The following ACAD10 variants were observed in gnomAD, a reference collection of about 807,000 sequenced individuals.
ACAD10 encodes the protein ACAD-10.
In ACAD10, 112 loss-of-function variants were observed where a neutral mutation model predicts 116.8. The observed-to-expected ratio is 0.96, with a 90% confidence interval of 0.82 to 1.12. The LOEUF is 1.12. ACAD10 is among the 50% of genes most tolerant of loss of function. The probability of loss-of-function intolerance (pLI) is 0.00; values close to 1 mark genes in which losing one functional copy is unlikely to be tolerated. For missense variants in ACAD10, 1,259 were observed against 1,350.2 expected, an observed-to-expected ratio of 0.93 and a Z score of 1.06; for synonymous variants, 486 against 510.6, an observed-to-expected ratio of 0.95 and a Z score of 0.65.
At chr12:111,694,992 C>T (rs1208766206) in intron 2 of ACAD10, among the ~76,000 whole-genome samples, 1 of 152,186 alleles carries the variant, frequency 6.6e-6, no homozygotes, top group Non-Finnish European at 1.5e-5. Context: ...TGCACCACTG[C>T]ACTCCAGCCT....
In ACAD10 at chr12:111,721,725, CTG is replaced by C. The variant is rs1338021025; in HGVS notation, c.1050_1051del (p.Cys350Ter). 1.3e-6 allele frequency: 2 copies of C among 1,597,754 alleles called. No homozygotes were observed. Among genetic ancestry groups the C allele is most frequent in the South Asian group, 1.1e-5 (1 of 89,604 alleles). ...TACCTGTCCCTAACGTTCTTGATCTCTGTGAAGATTCAAGGTAAAGTTCAGAT... is the reference window on the plus strand; with the variant it reads ...TACCTGTCCCTAACGTTCTTGATCTCTGAAGATTCAAGGTAAAGTTCAGAT... The part of the protein sequence containing the change: ...GVPVPNVLDL[C>X]EDSSVIGTPF... On this transcript the variant is annotated frameshift_variant, in exon 8 of 21. Transcript: ENST00000313698. LOFTEE classifies it high-confidence loss of function.
intron 8 of ACAD10, among the ~76,000 whole-genome samples, chr12:111,723,251 T>G (rs1889085111): frequency 9.0e-6 from 1 of 111,120 alleles, no homozygotes. Flanking sequence ...GGCTCCTCAC[T>G]TCCCAGTAGG....
chr12:111,724,133 A>G (rs1441674693), intron 8 of ACAD10, among the ~76,000 whole-genome samples: 2 of 142,418 alleles, frequency 1.4e-5, no homozygotes, highest in Admixed American at 7.0e-5. Context: ...TACGCTCCTC[A>G]CTTTCCAGAC....
rs1210259277 is a variant in ACAD10 at position 111,719,129 on chromosome 12, AAG to A, written c.993-2540_993-2539del. On this transcript the variant is annotated intron_variant, in intron 7 of 20. Coordinates refer to ENST00000313698, the MANE Select transcript of ACAD10 (RefSeq NM_025247.6). ...TAATGAGACTCTGTCTCAAAAAAAAAAGAAAAGAAAAAAAGAAGTGCATTGTT... is the reference window on the plus strand; with the variant it reads ...TAATGAGACTCTGTCTCAAAAAAAAAAAAAGAAAAAAAGAAGTGCATTGTT... Among the ~76,000 whole-genome samples the A allele has an allele frequency of 5.9e-5, 9 of 152,350 alleles. No individual in the cohort carries two copies. The East Asian group carries it at 1.7e-3, about 29-fold the overall frequency.
intron 1 of ACAD10, among the ~76,000 whole-genome samples, chr12:111,687,172 A>G (rs1887890802): frequency 6.6e-6 from 1 of 151,702 alleles, no homozygotes; most frequent in African/African-American, 2.4e-5. Flanking sequence ...TACATTCTAG[A>G]TGTGTGTGTG....
chr12:111,748,343 T>G lies in ACAD10; in HGVS notation c.2512T>G (p.Cys838Gly). ...TGILDPRCQL[C>G]VFMGKTDPHA... ...CATCCTGGATCCTCGTTGCCAACTC[T>G]GTGTGTTTATGGGAAAAACAGACCC... Residue 838 changes from cysteine (C) to glycine (G), a missense_variant, in exon 17 of 21, where the codon TGT becomes GGT. Coordinates refer to ENST00000313698, the MANE Select transcript of ACAD10 (RefSeq NM_025247.6). The G allele has an allele frequency of 6.2e-7, 1 of 1,614,182 alleles. No homozygotes were observed. The highest frequency in any genetic ancestry group is 8.5e-7 in the Non-Finnish European group (1 of 1,180,034).
chr12:111,733,879 G>A, intron 10 of ACAD10, 44 bp from the exon 11 acceptor site: 1 of 1,612,270 alleles, frequency 6.2e-7, no homozygotes. Context: ...ACCCTAGCCG[G>A]CAGTTTTCTT....
In ACAD10 at chr12:111,715,915, C is replaced by T. The variant is rs1193527826; in HGVS notation, c.945C>T (p.Pro315=). The change falls in exon 7 of 21, where the codon CCC becomes CCT. Residue 315 remains proline (P), a synonymous_variant. Transcript: ENST00000313698. ...ANRDLVLRKK[P]PGTLLPSAHA... is the part of the protein sequence containing the mutation. The stretch of plus-strand genomic sequence containing the variant: ...GTGATCTAGTTCTGAGGAAGAAGCC[C>T]CCAGGGACACTCCTTCCATCTGCCC... The T allele has an allele frequency of 1.2e-5, 19 of 1,613,878 alleles. No individual in the cohort carries two copies. The highest frequency in any genetic ancestry group is 1.5e-5 in the Non-Finnish European group (18 of 1,179,982).
At chr12:111,719,561 T>C (rs901411232) in intron 7 of ACAD10, among the ~76,000 whole-genome samples, 10 of 151,156 alleles carry the variant, frequency 6.6e-5, no homozygotes, top group Non-Finnish European at 1.5e-4. Context: ...CTTTTGTTTG[T>C]TATTTTTTGA....
chr12:111,741,096 C>T (rs548047280), intron 12 of ACAD10, among the ~76,000 whole-genome samples: 15 of 152,214 alleles, frequency 9.9e-5, no homozygotes, highest in South Asian at 4.2e-4. Context: ...AAAAACTGTC[C>T]GGAGAAAAAC....
intron 8 of ACAD10, among the ~76,000 whole-genome samples, chr12:111,723,218 C>A (rs1100129): frequency 8.1e-6 from 1 of 123,446 alleles, no homozygotes. Flanking sequence ...CCCTCCCGGA[C>A]GGGGCGGCTG....
At chr12:111,709,745 T>G in intron 5 of ACAD10, 61 bp downstream of exon 5, 17 of 1,470,480 alleles carry the variant, frequency 1.2e-5, no homozygotes, top group Non-Finnish European at 1.6e-5. Flanking sequence ...AATGTTTCTC[T>G]GTAATCTTTT....
In ACAD10 at chr12:111,747,480, AAGT is replaced by A. The variant is rs367943579; in HGVS notation, c.2485+96_2485+98del. The A allele has an allele frequency of 1.9e-4, 298 of 1,578,808 alleles. 2 individuals carry two copies. The Middle Eastern group carries it at 4.9e-3, about 26-fold the overall frequency. ...GCCTGGGAGGAGCCTCTGCTTTTTC[AAGT>A]TGACACAAAGGAGATTCTGTCACTT... On this transcript the variant is annotated intron_variant, in intron 16 of 20. Transcript: ENST00000313698.
chr12:111,711,582 T>C (rs1387603544), intron 5 of ACAD10, among the ~76,000 whole-genome samples: 1 of 145,608 alleles, frequency 6.9e-6, no homozygotes, highest in Non-Finnish European at 1.5e-5. Context: ...CAGACTGCAG[T>C]GGTCCTATCT....
At chr12:111,751,791 G>T (rs1890078667) in intron 18 of ACAD10, among the ~76,000 whole-genome samples, 2 of 151,870 alleles carry the variant, frequency 1.3e-5, no homozygotes, top group Non-Finnish European at 2.9e-5. Flanking sequence ...GGGTGTGGTG[G>T]CTCATACCTG....
intron 6 of ACAD10, 100 bp downstream of exon 6, chr12:111,712,757 A>C (rs761130126): frequency 2.5e-5 from 34 of 1,367,426 alleles, no homozygotes; most frequent in Non-Finnish European, 3.4e-5. Flanking sequence ...GGAGACAAAG[A>C]AGCTTTACAG....
chr12:111,710,497 A>ATTT, intron 5 of ACAD10: 8 of 211,140 alleles, frequency 3.8e-5, no homozygotes, highest in Non-Finnish European at 5.7e-5. Context: ...GTATTGTGAA[A>ATTT]TTTTTTTTTT....
intron 9 of ACAD10, among the ~76,000 whole-genome samples, chr12:111,728,398 C>G (rs1351975394): frequency 6.6e-6 from 1 of 151,776 alleles, no homozygotes; most frequent in African/African-American, 2.4e-5. Flanking sequence ...TCTTTTTTTC[C>G]CTTAAATATT....
rs1166698931 is a variant in ACAD10, at chr12:111,697,060, G to A, written c.187+4164G>A. ...GGCACCACTGCACTCCAACCTGGGC[G>A]ATACAGCGAGACTCCGTCTCAAAAA... On this transcript the variant is annotated intron_variant, in intron 2 of 20. Transcript: ENST00000313698. Among the ~76,000 whole-genome samples the A allele has an allele frequency of 5.4e-5, 8 of 147,950 alleles. No homozygotes were observed. In the South Asian group the frequency reaches 1.7e-3, roughly 32 times the overall value.
Sources: allele counts gnomAD v4.1 joint callset (sites outside exome capture counted in the v4.1 genomes callset), GRCh38; gene constraint gnomAD v4.1.1; transcripts MANE v1.5; gene names NCBI Gene and HGNC (gene_info 2026-07-23, HGNC 2026-07-21).